C12orf60: variants seen among roughly 807,000 people sequenced by gnomAD.
The protein encoded by C12orf60 is chromosome 12 open reading frame 60.
For synonymous variants in C12orf60, 102 were observed against 94.6 expected (o/e 1.08, Z -0.45); for missense variants, 284 against 283.2 (o/e 1.00, Z -0.02).
At chr12:14,808,510 C>T (rs760566422) in intron 1 of C12orf60, among the ~76,000 whole-genome samples, 4 of 152,220 alleles carry the variant, frequency 2.6e-5, no homozygotes, top group East Asian at 1.9e-4. Flanking sequence ...TCTAGCACTA[C>T]GGTTCTTATT....
chr12:14,811,722 C>T (rs1208670014), intron 1 of C12orf60, among the ~76,000 whole-genome samples: 1 of 152,170 alleles, frequency 6.6e-6, no homozygotes, highest in Non-Finnish European at 1.5e-5. Context: ...AGAAAAGGAA[C>T]TACCTTACAA....
chr12:14,819,316 A>G (rs1292552475), intron 1 of C12orf60, among the ~76,000 whole-genome samples: 1 of 152,186 alleles, frequency 6.6e-6, no homozygotes, highest in Non-Finnish European at 1.5e-5. Flanking sequence ...TGATACTTAT[A>G]CAAATGATTG....
intron 1 of C12orf60, among the ~76,000 whole-genome samples, chr12:14,809,398 C>A (rs1950102829): frequency 6.6e-6 from 1 of 151,986 alleles, no homozygotes; most frequent in Admixed American, 6.6e-5. Context: ...TCTTCTCCCC[C>A]CAGTATTAAA....
chr12:14,820,427 G>A (rs1056128942), intron 1 of C12orf60, among the ~76,000 whole-genome samples: 22 of 151,972 alleles, frequency 1.4e-4, no homozygotes, highest in African/African-American at 5.1e-4. Context: ...TAAGATAGAA[G>A]TTAAAATTAT....
chr12:14,823,325 T>G lies in C12orf60; in HGVS notation c.390T>G (p.Ser130Arg). 1 of 1,614,144 alleles carries G rather than the reference T, an allele frequency of 6.2e-7. No individual in the cohort carries two copies. The highest frequency in any genetic ancestry group is 8.5e-7 in the Non-Finnish European group (1 of 1,180,018). Residue 130 changes from serine to arginine, a missense_variant, in exon 2 of 2, where the codon AGT becomes AGG. By Grantham distance (110) the Ser-to-Arg change is moderately radical. Transcript: ENST00000330828. Reference sequence around the variant, plus strand: ...TCATCATCTCTGTGCTAAACAGCAGTAACATCCTTGGGAGTCTGGAATCTT... The same window carrying G: ...TCATCATCTCTGTGCTAAACAGCAGGAACATCCTTGGGAGTCTGGAATCTT... ...TPVIISVLNS[S>R]NILGSLESSL...
intron 1 of C12orf60, among the ~76,000 whole-genome samples, chr12:14,822,061 G>A (rs1016234408): frequency 1.4e-5 from 2 of 139,372 alleles, no homozygotes; most frequent in Non-Finnish European, 3.1e-5. Context: ...ACTTGTTAAC[G>A]CTCGAAGTCA....
intron 1 of C12orf60, among the ~76,000 whole-genome samples, chr12:14,817,638 T>C (rs1431306199): frequency 1.3e-5 from 2 of 152,262 alleles, no homozygotes; most frequent in East Asian, 1.9e-4. Context: ...GCTTCATCCA[T>C]GTCCCTGCAA....
rs776395383 is a variant in C12orf60, at chr12:14,823,181, A to G, written c.246A>G (p.Gln82=). 5.0e-6 allele frequency: 8 copies of G among 1,614,052 alleles called. No individual in the cohort carries two copies. Among genetic ancestry groups the G allele is most frequent in the African/African-American group, 1.3e-5 (1 of 74,918 alleles). Reference sequence around the variant, plus strand: ...TGGATGCAAGACATGACAAAATTCAAAAGGAGTCTTTATGTTCCAAGGTTG... The same window carrying G: ...TGGATGCAAGACATGACAAAATTCAGAAGGAGTCTTTATGTTCCAAGGTTG... The part of the protein sequence containing the change: ...SVVDARHDKI[Q]KESLCSKVAM... The change falls in exon 2 of 2, where the codon CAA becomes CAG. Residue 82 remains glutamine (Q), a synonymous_variant. Transcript: ENST00000330828.
intron 1 of C12orf60, among the ~76,000 whole-genome samples, chr12:14,822,317 G>GACGACA (rs778500195): frequency 6.7e-6 from 1 of 149,836 alleles, no homozygotes; most frequent in Non-Finnish European, 1.5e-5. Context: ...GAAGACAAAC[G>GACGACA]ACAACAACAA....
chr12:14,822,807 C>A, intron 1 of C12orf60, 105 bp from the exon 2 acceptor site: 2 of 941,192 alleles, frequency 2.1e-6, no homozygotes, highest in East Asian at 2.5e-5. Flanking sequence ...GCTTTCCTGC[C>A]CTTGGCAGGG....
At chr12:14,813,135 G>A (rs1421307245) in intron 1 of C12orf60, among the ~76,000 whole-genome samples, 1 of 152,096 alleles carries the variant, frequency 6.6e-6, no homozygotes, top group Non-Finnish European at 1.5e-5. Context: ...TTATATTATT[G>A]TCTCTACTTC....
At chr12:14,822,417 C>G (rs1480142673) in intron 1 of C12orf60, among the ~76,000 whole-genome samples, 1 of 152,038 alleles carries the variant, frequency 6.6e-6, no homozygotes, top group South Asian at 2.1e-4. Flanking sequence ...TGCTGTACTC[C>G]CTACTTCCTT....
At chr12:14,816,746 CTT>C (rs11430871) in intron 1 of C12orf60, among the ~76,000 whole-genome samples, 16 of 137,960 alleles carry the variant, frequency 1.2e-4, no homozygotes, top group Admixed American at 2.2e-4. Flanking sequence ...TATATTTTCT[CTT>C]TTTTTTTTTT....
chr12:14,811,840 A>G (rs1950144494), intron 1 of C12orf60, among the ~76,000 whole-genome samples: 1 of 152,252 alleles, frequency 6.6e-6, no homozygotes, highest in South Asian at 2.1e-4. Context: ...AGAAATTAAT[A>G]TCAAGGTGAT....
chr12:14,821,069 T>G (rs1950297866), intron 1 of C12orf60, among the ~76,000 whole-genome samples: 1 of 152,182 alleles, frequency 6.6e-6, no homozygotes, highest in Non-Finnish European at 1.5e-5. Context: ...TAGAAATGCA[T>G]ATTTAATGTA....
At chr12:14,821,931 C>T (rs1398527535) in intron 1 of C12orf60, among the ~76,000 whole-genome samples, 1 of 137,788 alleles carries the variant, frequency 7.3e-6, no homozygotes. Flanking sequence ...ATAAGGACAG[C>T]GTTTTCACTG....
rs1476746741 is a variant in C12orf60, at chr12:14,822,945, G to C, written c.10G>C (p.Glu4Gln). The part of the protein sequence containing the change: MSS[E>Q]SEKDKERLIQ... Reference sequence around the variant, plus strand: ...CTTATTTGTTGGAGAAATGTCTTCAGAGTCAGAAAAGGATAAAGAGAGACT... The same window carrying C: ...CTTATTTGTTGGAGAAATGTCTTCACAGTCAGAAAAGGATAAAGAGAGACT... Residue 4 changes from glutamate (E) to glutamine (Q), a missense_variant, in exon 2 of 2, where the codon GAG becomes CAG. By Grantham distance (29) the Glu-to-Gln change is conservative. Transcript: ENST00000330828. The C allele has an allele frequency of 1.3e-6, 2 of 1,571,152 alleles. No individual in the cohort carries two copies. The highest frequency in any genetic ancestry group is 1.7e-6 in the Non-Finnish European group (2 of 1,156,880).
Position 14,812,171 on chromosome 12 carries a change from G to A in C12orf60, c.-25+8420G>A, listed in dbSNP as rs187111101. Among the ~76,000 whole-genome samples, 18 of 152,346 alleles carry A rather than the reference G, an allele frequency of 1.2e-4. 1 individual carries two copies. The East Asian group carries it at 3.1e-3, about 26-fold the overall frequency. On this transcript the variant is annotated intron_variant, in intron 1 of 1. Coordinates refer to ENST00000330828, the MANE Select transcript of C12orf60 (RefSeq NM_175874.4). ...TAGCTTTAAAAATATTTGGCCGGGCGTGGTGGCTCACGCCTGTAATCCGAG... is the reference window on the plus strand; with the variant it reads ...TAGCTTTAAAAATATTTGGCCGGGCATGGTGGCTCACGCCTGTAATCCGAG...
chr12:14,810,186 T>C (rs1267499755), intron 1 of C12orf60, among the ~76,000 whole-genome samples: 19 of 152,200 alleles, frequency 1.2e-4, no homozygotes, highest in Non-Finnish European at 2.9e-5. Context: ...GGGGAGGGTT[T>C]TCTTGTGCTA....
Sources: allele counts gnomAD v4.1 joint callset (sites outside exome capture counted in the v4.1 genomes callset), GRCh38; gene constraint gnomAD v4.1.1; transcripts MANE v1.5; gene names NCBI Gene and HGNC (gene_info 2026-07-23, HGNC 2026-07-21).